Variants in KITLG observed in about 807,000 individuals in gnomAD.
KITLG encodes KIT ligand.
A neutral mutation model predicts 34.1 loss-of-function variants in KITLG; 13 were observed. The observed-to-expected ratio is 0.38, with a 90% CI of 0.25 to 0.61. The LOEUF (loss-of-function observed/expected upper bound fraction) is 0.61, where lower values mean the gene tolerates loss of function less well. Ranked by LOEUF, KITLG falls within the 20% of genes least tolerant of loss-of-function variation. The pLI is 0.60. For synonymous variants in KITLG, 110 were observed against 104.0 expected (o/e 1.06, Z -0.35); for missense variants, 292 against 318.9 (o/e 0.92, Z 0.64).
At chr12:88,517,351 A>C in intron 4 of KITLG, among the ~76,000 whole-genome samples, 1 of 152,068 alleles carries the variant, frequency 6.6e-6, no homozygotes. Flanking sequence ...ATTATAAAGA[A>C]AAGTAGGTAA....
At chr12:88,532,389 C>T (rs1870130374) in intron 3 of KITLG, 52 bp downstream of exon 3, 2 of 1,263,152 alleles carry the variant, frequency 1.6e-6, no homozygotes, top group East Asian at 4.6e-5. Flanking sequence ...ATGAATGATC[C>T]CATTTCTTCT....
Position 88,496,368 on chromosome 12 carries a change from A to T in KITLG, c.*851T>A, listed in dbSNP as rs1452585425. On this transcript the variant is annotated 3_prime_UTR_variant, in exon 10 of 10. Transcript: ENST00000644744. Reference sequence around the variant, plus strand: ...TTAGAATATAAACACATCATAACACATTTTGCAAACACGATTTATACACCC... The same window carrying T: ...TTAGAATATAAACACATCATAACACTTTTTGCAAACACGATTTATACACCC... 6.6e-6 allele frequency: 1 copy of T among 152,158 alleles called. No individual in the cohort carries two copies. The highest frequency in any genetic ancestry group is 1.9e-4 in the East Asian group (1 of 5,194). 9.4% of individuals were successfully genotyped at this position (152,158 alleles called of 1,614,324 possible). A position where few individuals can be genotyped will look rare whatever the true frequency, so the allele number is the denominator to read the frequency against.
intron 2 of KITLG, among the ~76,000 whole-genome samples, chr12:88,536,591 T>G (rs1870326940): frequency 6.6e-6 from 1 of 152,084 alleles, no homozygotes; most frequent in Non-Finnish European, 1.5e-5. Context: ...AACCCAAATG[T>G]CCATCAGTGA....
intron 2 of KITLG, among the ~76,000 whole-genome samples, chr12:88,544,939 G>C (rs184522855): frequency 1.3e-5 from 2 of 151,876 alleles, no homozygotes; most frequent in Admixed American, 1.3e-4. Flanking sequence ...ACCTATTCTC[G>C]CATCACCTCC....
At chr12:88,572,719 G>A (rs985508835) in intron 1 of KITLG, among the ~76,000 whole-genome samples, 8 of 151,382 alleles carry the variant, frequency 5.3e-5, no homozygotes, top group African/African-American at 1.9e-4. Context: ...AAAACATTAT[G>A]CTAATAATTT....
intron 9 of KITLG, among the ~76,000 whole-genome samples, chr12:88,499,325 T>G (rs1868764302): frequency 6.6e-6 from 1 of 152,208 alleles, no homozygotes; most frequent in Admixed American, 6.5e-5. Context: ...TGCCAAGCCT[T>G]GAGGCCTAAA....
At chr12:88,506,776 G>A (rs538096125) in intron 7 of KITLG, among the ~76,000 whole-genome samples, 40 of 152,162 alleles carry the variant, frequency 2.6e-4, no homozygotes, top group African/African-American at 7.5e-4. Context: ...TATGATTTTC[G>A]TCAGATCTTC....
At chr12:88,574,185 G>A (rs1871749485) in intron 1 of KITLG, among the ~76,000 whole-genome samples, 2 of 150,832 alleles carry the variant, frequency 1.3e-5, no homozygotes, top group Non-Finnish European at 2.9e-5. Context: ...TTGTGGCCCT[G>A]TTTTCTGAGA....
Position 88,536,984 on chromosome 12 carries a change from T to TA in KITLG, c.130-4482dup, listed in dbSNP as rs1368024448. 1.1e-3 allele frequency among the ~76,000 whole-genome samples: 164 copies of TA among 151,954 alleles called. No homozygotes were observed. The Middle Eastern group carries it at 0.017, about 16-fold the overall frequency. On this transcript the variant is annotated intron_variant, in intron 2 of 9. Transcript: ENST00000644744. ...GTACCCCAGAACTTAAAGTATAATT[T>TA]AAAAAAATGTCAAAAAACAACAGAT...
At chr12:88,580,237 G>C in intron 1 of KITLG, 27 bp downstream of exon 1, 2 of 1,602,432 alleles carry the variant, frequency 1.2e-6, no homozygotes, top group African/African-American at 2.7e-5. Flanking sequence ...TGGAGAGCCT[G>C]GGAGCTCCCG....
chr12:88,517,804 G>A (rs977348341), intron 4 of KITLG, among the ~76,000 whole-genome samples: 1 of 152,130 alleles, frequency 6.6e-6, no homozygotes, highest in Admixed American at 6.6e-5. Flanking sequence ...AAATGGGATT[G>A]AAGTTGGGTC....
At chr12:88,508,730 C>T (rs1169697198) in intron 6 of KITLG, among the ~76,000 whole-genome samples, 1 of 152,092 alleles carries the variant, frequency 6.6e-6, no homozygotes, top group East Asian at 1.9e-4. Flanking sequence ...CCTATAGCCC[C>T]ATGGGAGATA....
At chr12:88,578,162 T>G (rs1351307326) in intron 1 of KITLG, among the ~76,000 whole-genome samples, 2 of 152,202 alleles carry the variant, frequency 1.3e-5, no homozygotes, top group East Asian at 1.9e-4. Flanking sequence ...ATGAAAGATC[T>G]AATCCCCTCC....
intron 5 of KITLG, among the ~76,000 whole-genome samples, chr12:88,515,988 A>T (rs1434033894): frequency 6.6e-6 from 1 of 151,830 alleles, no homozygotes; most frequent in Non-Finnish European, 1.5e-5. Context: ...ACTTAGAGTT[A>T]GATCCTTAAG....
At chr12:88,538,019 C>T (rs1294048210) in intron 2 of KITLG, among the ~76,000 whole-genome samples, 4 of 152,116 alleles carry the variant, frequency 2.6e-5, no homozygotes, top group African/African-American at 9.7e-5. Context: ...ACATGTGTCA[C>T]ATGGGAATCA....
chr12:88,505,692 T>A (rs930198542), intron 8 of KITLG, among the ~76,000 whole-genome samples: 1 of 152,158 alleles, frequency 6.6e-6, no homozygotes, highest in Non-Finnish European at 1.5e-5. Context: ...ACAACGAGTA[T>A]GTTGAGAATA....
At chr12:88,505,127 AG>A (rs1425470463) in intron 9 of KITLG, 31 bp downstream of exon 9, 1 of 1,168,500 alleles carries the variant, frequency 8.6e-7, no homozygotes, top group Non-Finnish European at 1.3e-6. Flanking sequence ...AATAAAAAAA[AG>A]AAAAAAAAAG....
chr12:88,514,845 G>A lies in KITLG; in HGVS notation c.604+689C>T, dbSNP rs11104912. Among the ~76,000 whole-genome samples the A allele has an allele frequency of 2.0e-5, 3 of 151,698 alleles. No individual in the cohort carries two copies. In the East Asian group the frequency reaches 5.8e-4, roughly 29 times the overall value. On this transcript the variant is annotated intron_variant, in intron 6 of 9. Transcript: ENST00000644744. ...TAAGTCCTAAGGGATGACTTTTTTA[G>A]CCTAGATCACAAGATGGTTTTTATT...
chr12:88,552,085 C>T (rs745807324), intron 1 of KITLG, among the ~76,000 whole-genome samples: 63 of 152,162 alleles, frequency 4.1e-4, no homozygotes, highest in Non-Finnish European at 6.2e-4. Context: ...AATAGATTCT[C>T]CCCTAGAGCC....
Sources: allele counts gnomAD v4.1 joint callset (sites outside exome capture counted in the v4.1 genomes callset), GRCh38; gene constraint gnomAD v4.1.1; transcripts MANE v1.5; gene names NCBI Gene and HGNC (gene_info 2026-07-23, HGNC 2026-07-21).